SLC22A12: variants seen among roughly 807,000 people sequenced by gnomAD.
SLC22A12 encodes organic anion transporter 4-like protein.
In SLC22A12, 56 loss-of-function variants were observed where a neutral mutation model predicts 52.7. The ratio of observed to expected loss-of-function variants is 1.06; its 90% CI spans 0.86 to 1.33. The LOEUF (loss-of-function observed/expected upper bound fraction) is 1.33, where lower values mean the gene tolerates loss of function less well. SLC22A12 is among the 40% of genes most tolerant of loss of function. SLC22A12 has a pLI of 0.00. For missense variants in SLC22A12, 683 were observed against 741.5 expected, an observed-to-expected ratio of 0.92 and a Z score of 0.92; for synonymous variants, 337 against 324.6, an observed-to-expected ratio of 1.04 and a Z score of -0.41.
At chr11:64,595,132 GATGGTTGA>G (rs779088213) in intron 4 of SLC22A12, among the ~76,000 whole-genome samples, 414 of 132,654 alleles carry the variant, frequency 3.1e-3, no homozygotes, top group Non-Finnish European at 3.5e-3. Flanking sequence ...TGGATGGATG[GATGGTTGA>G]ATGGATGGTT....
At chr11:64,598,097 G>T (rs372795942) in intron 4 of SLC22A12, among the ~76,000 whole-genome samples, 19 of 152,234 alleles carry the variant, frequency 1.2e-4, no homozygotes, top group East Asian at 5.8e-4. Flanking sequence ...GTGGACCCCA[G>T]TCGCCTTGGA....
Position 64,591,392 on chromosome 11 carries a change from A to T in SLC22A12, c.-165A>T. ...AAGTGACACCAGCAGGCAGATGACC[A>T]GAGAGCCTGAGCCTCCGGCCCCGAG... On this transcript the variant is annotated 5_prime_UTR_variant, in exon 1 of 10. It introduces an in-frame stop codon into an upstream open reading frame of the 5' UTR. Transcript: ENST00000377574. 1 of 904,012 alleles carries T rather than the reference A, an allele frequency of 1.1e-6. No individual in the cohort carries two copies. The highest frequency in any genetic ancestry group is 1.7e-6 in the Non-Finnish European group (1 of 604,372). 56.0% of individuals were successfully genotyped at this position (904,012 alleles called of 1,614,324 possible).
chr11:64,594,528 A>G (rs2039027057), intron 4 of SLC22A12, among the ~76,000 whole-genome samples: 1 of 152,240 alleles, frequency 6.6e-6, no homozygotes, highest in Non-Finnish European at 1.5e-5. Flanking sequence ...GTAGGTAGAT[A>G]GATAGAGACA....
At chr11:64,600,188 C>G (rs941807137) in intron 7 of SLC22A12, among the ~76,000 whole-genome samples, 179 bp from the exon 8 acceptor site, 7 of 152,138 alleles carry the variant, frequency 4.6e-5, no homozygotes, top group African/African-American at 7.2e-5. Context: ...GGTGTCTGAG[C>G]GTGGAGCAGA....
At chr11:64,595,629 G>A (rs181149529) in intron 4 of SLC22A12, among the ~76,000 whole-genome samples, 38 of 149,238 alleles carry the variant, frequency 2.5e-4, no homozygotes, top group Non-Finnish European at 4.9e-4. Context: ...TGGATAGATG[G>A]ATGGATGGTT....
Position 64,599,752 on chromosome 11 carries a change from A to T in SLC22A12, c.1147A>T (p.Met383Leu). The T allele has an allele frequency of 6.2e-7, 1 of 1,610,564 alleles. No homozygotes were observed. The highest frequency in any genetic ancestry group is 8.5e-7 in the Non-Finnish European group (1 of 1,178,786). Residue 383 changes from methionine (M) to leucine (L), a missense_variant, in exon 7 of 10, where the codon ATG becomes TTG. Coordinates refer to ENST00000377574, the MANE Select transcript of SLC22A12 (RefSeq NM_144585.4). ...GGGCAGCAACATCTTCCTGCTCCAA[A>T]TGTTCATTGGTGTCGTGGACATCCC... The part of the protein sequence containing the change: ...ALGSNIFLLQ[M>L]FIGVVDIPAK...
rs556282083 is a variant in SLC22A12 at position 64,597,860 on chromosome 11, G to A, written c.831-656G>A. Among the ~76,000 whole-genome samples the A allele has an allele frequency of 3.3e-5, 5 of 152,290 alleles. No homozygotes were observed. In the South Asian group the frequency reaches 8.3e-4, roughly 25 times the overall value. ...TGTGAGGGGCTGGGTCCTGCCACAAGGAGGGGAGGTGCTGGGCTCATGAGG... is the reference window on the plus strand; with the variant it reads ...TGTGAGGGGCTGGGTCCTGCCACAAAGAGGGGAGGTGCTGGGCTCATGAGG... On this transcript the variant is annotated intron_variant, in intron 4 of 9. Transcript: ENST00000377574.
At chr11:64,593,853 C>A (rs2039002374) in intron 4 of SLC22A12, 50 bp downstream of exon 4, 1 of 1,584,658 alleles carries the variant, frequency 6.3e-7, no homozygotes, top group Non-Finnish European at 8.5e-7. Flanking sequence ...TGCCCACTCT[C>A]CACCCGGGGG....
chr11:64,599,842 C>T lies in SLC22A12; in HGVS notation c.1237C>T (p.Leu413=), dbSNP rs1489064153. ...LGRRPTLAAS[L]LLAGLCILAN... is the part of the protein sequence containing the mutation. ...CCGCCGCCCCACGCTGGCCGCATCCCTGTTGCTGGCAGGGCTCTGCATTCT... is the reference window on the plus strand; with the variant it reads ...CCGCCGCCCCACGCTGGCCGCATCCTTGTTGCTGGCAGGGCTCTGCATTCT... Residue 413 remains leucine, a synonymous_variant, in exon 7 of 10, where the codon CTG becomes TTG. Transcript: ENST00000377574. 6.2e-7 allele frequency: 1 copy of T among 1,612,866 alleles called. No homozygotes were observed. The highest frequency in any genetic ancestry group is 8.5e-7 in the Non-Finnish European group (1 of 1,179,846).
Position 64,601,566 on chromosome 11 carries a change from T to A in SLC22A12, c.*15T>A. On this transcript the variant is annotated 3_prime_UTR_variant, in exon 10 of 10. Coordinates refer to ENST00000377574, the MANE Select transcript of SLC22A12 (RefSeq NM_144585.4). ...CACAGTTTTAGCCTCCTGGGGAACC[T>A]GCGATGGGACGGTCAGAGGAAGAGA... is the stretch of plus-strand genomic sequence containing the variant. 1 of 1,613,462 alleles carries A rather than the reference T, an allele frequency of 6.2e-7. No individual in the cohort carries two copies. The highest frequency in any genetic ancestry group is 8.5e-7 in the Non-Finnish European group (1 of 1,179,624).
At chr11:64,593,934 C>A in intron 4 of SLC22A12, 131 bp downstream of exon 4, 1 of 1,356,274 alleles carries the variant, frequency 7.4e-7, no homozygotes, top group Non-Finnish European at 1.0e-6. Flanking sequence ...TGGAGGAAAG[C>A]CAGGAGCGTG....
chr11:64,591,673 C>T lies in SLC22A12; in HGVS notation c.117C>T (p.Asn39=). 1 of 1,612,798 alleles carries T rather than the reference C, an allele frequency of 6.2e-7. No homozygotes were observed. The highest frequency in any genetic ancestry group is 8.5e-7 in the Non-Finnish European group (1 of 1,180,028). The change falls in exon 1 of 10, where the codon AAC becomes AAT. Residue 39 remains asparagine (N), a synonymous_variant. Coordinates refer to ENST00000377574, the MANE Select transcript of SLC22A12 (RefSeq NM_144585.4). ...MWLCTQSMLE[N]FSAAVPSHRC... ...TGTGTACCCAGAGCATGCTGGAGAA[C>T]TTCTCGGCCGCCGTGCCCAGCCACC...
intron 8 of SLC22A12, 60 bp downstream of exon 8, chr11:64,600,535 C>T: frequency 6.9e-7 from 1 of 1,452,094 alleles, no homozygotes; most frequent in African/African-American, 1.4e-5. Context: ...GGGGCACCCC[C>T]AGGCAGGACT....
chr11:64,591,491 G>A lies in SLC22A12; in HGVS notation c.-66G>A. The A allele has an allele frequency of 6.3e-7, 1 of 1,597,732 alleles. No individual in the cohort carries two copies. Among genetic ancestry groups the A allele is most frequent in the Non-Finnish European group, 8.5e-7 (1 of 1,177,064 alleles). On this transcript the variant is annotated 5_prime_UTR_variant, in exon 1 of 10. Transcript: ENST00000377574. ...GTGGGGGAAACAGGCCCGTTGCCCT[G>A]GCCTCTTTGCCCTGGGCCAGCCTTT...
At position 64,602,121 on chromosome 11, in the gene SLC22A12, C is replaced by T; in HGVS notation, c.*570C>T. On this transcript the variant is annotated 3_prime_UTR_variant, in exon 10 of 10. Coordinates refer to ENST00000377574, the MANE Select transcript of SLC22A12 (RefSeq NM_144585.4). ...CCACCCTCATCCCTGACCGACTCCA[C>T]TTAACCCCCAAACCCAGCCCCCCTT... 5.6e-6 allele frequency: 1 copy of T among 178,914 alleles called. No individual in the cohort carries two copies. 11.1% of individuals were successfully genotyped at this position (178,914 alleles called of 1,614,324 possible).
At position 64,593,768 on chromosome 11, in the gene SLC22A12, C is replaced by A; in HGVS notation, c.795C>A (p.Val265=). 1.2e-6 allele frequency: 2 copies of A among 1,611,224 alleles called. No homozygotes were observed. Among genetic ancestry groups the A allele is most frequent in the Non-Finnish European group, 1.7e-6 (2 of 1,180,006 alleles). Residue 265 remains valine (V), a synonymous_variant, in exon 4 of 10, where the codon GTC becomes GTA. Transcript: ENST00000377574. ...VRDWTLLQLV[V]SVPFFLCFLY... ...ACTGGACACTGCTGCAGCTGGTGGT[C>A]TCGGTCCCCTTCTTCCTCTGCTTTT...
Position 64,600,230 on chromosome 11 carries a change from A to G in SLC22A12, c.1286-137A>G, listed in dbSNP as rs950110570. 4.7e-5 allele frequency: 37 copies of G among 782,550 alleles called. No individual in the cohort carries two copies. The African/African-American group carries it at 6.2e-4, about 13-fold the overall frequency. 48.5% of individuals were successfully genotyped at this position (782,550 alleles called of 1,614,324 possible). Reference sequence around the variant, plus strand: ...GTGTGGCCATGAGGCCACTCAGGACAGGATACCCAGATGGAGATGACTCCC... The same window carrying G: ...GTGTGGCCATGAGGCCACTCAGGACGGGATACCCAGATGGAGATGACTCCC... On this transcript the variant is annotated intron_variant, in intron 7 of 9. Coordinates refer to ENST00000377574, the MANE Select transcript of SLC22A12 (RefSeq NM_144585.4).
In SLC22A12 at chr11:64,598,649, G is replaced by A. The variant is rs1189262620; in HGVS notation, c.954+10G>A. The A allele has an allele frequency of 6.2e-7, 1 of 1,609,166 alleles. No individual in the cohort carries two copies. Among genetic ancestry groups the A allele is most frequent in the East Asian group, 2.2e-5 (1 of 44,702 alleles). On this transcript the variant is annotated intron_variant, in intron 5 of 9. Coordinates refer to ENST00000377574, the MANE Select transcript of SLC22A12 (RefSeq NM_144585.4). ...CACCCTGACCCCTGAGGTAAGGCTG[G>A]GTCCTCCTCAAACCCGGACCCTCAG...
chr11:64,595,322 G>A (rs2039116728), intron 4 of SLC22A12, among the ~76,000 whole-genome samples: 1 of 129,188 alleles, frequency 7.7e-6, no homozygotes, highest in Admixed American at 7.5e-5. Flanking sequence ...TGGATGGATG[G>A]ATGGATGGAT....
Sources: allele counts gnomAD v4.1 joint callset (sites outside exome capture counted in the v4.1 genomes callset), GRCh38; gene constraint gnomAD v4.1.1; transcripts MANE v1.5; gene names NCBI Gene and HGNC (gene_info 2026-07-23, HGNC 2026-07-21).